The following LRP12 variants were observed in gnomAD, a reference collection of about 807,000 sequenced individuals.
The protein encoded by LRP12 is low-density lipoprotein receptor-related protein 12.
In LRP12, 14 loss-of-function variants were observed where a neutral mutation model predicts 66.0. The ratio of observed to expected loss-of-function variants is 0.21; its 90% confidence interval spans 0.14 to 0.33. The LOEUF (loss-of-function observed/expected upper bound fraction) is 0.33. LRP12 is among the 10% of genes least tolerant of loss of function. The pLI, the probability that LRP12 is intolerant of heterozygous loss-of-function variation, is 1.00. For synonymous variants in LRP12, 357 were observed against 359.1 expected, an observed-to-expected ratio of 0.99 and a Z score of 0.07; for missense variants, 889 against 1,053.4, an observed-to-expected ratio of 0.84 and a Z score of 2.16.
intron 1 of LRP12, among the ~76,000 whole-genome samples, chr8:104,588,280 C>G (rs1180855938): frequency 1.3e-5 from 2 of 151,878 alleles, no homozygotes; most frequent in Non-Finnish European, 2.9e-5. Context: ...TTCGGCAGAG[C>G]CCTTGCCCCC....
At chr8:104,574,420 C>T (rs1588510153) in intron 1 of LRP12, among the ~76,000 whole-genome samples, 1 of 152,110 alleles carries the variant, frequency 6.6e-6, no homozygotes, top group African/African-American at 2.4e-5. Context: ...GCTAATATAC[C>T]ATAATTTATT....
chr8:104,524,154 A>G (rs1422864347), intron 2 of LRP12, among the ~76,000 whole-genome samples: 1 of 149,586 alleles, frequency 6.7e-6, no homozygotes, highest in African/African-American at 2.5e-5. Flanking sequence ...AGGTGGGAGC[A>G]TGGCTTGAGC....
intron 1 of LRP12, among the ~76,000 whole-genome samples, chr8:104,548,858 C>T (rs914369916): frequency 3.3e-4 from 50 of 151,562 alleles, no homozygotes; most frequent in African/African-American, 1.1e-3. Flanking sequence ...GCAAGAGAAT[C>T]GCTTGAATTC....
intron 1 of LRP12, among the ~76,000 whole-genome samples, chr8:104,574,931 AG>A (rs1812139389): frequency 6.6e-6 from 1 of 152,196 alleles, no homozygotes; most frequent in South Asian, 2.1e-4. Flanking sequence ...TTGAGGAACC[AG>A]GAAGACTCCC....
At chr8:104,523,525 C>T (rs1300486963) in intron 2 of LRP12, among the ~76,000 whole-genome samples, 1 of 152,172 alleles carries the variant, frequency 6.6e-6, no homozygotes, top group Admixed American at 6.5e-5. Context: ...GCTCAATTTG[C>T]AAGTATCTGC....
chr8:104,584,202 A>G (rs899098579), intron 1 of LRP12, among the ~76,000 whole-genome samples: 3 of 152,020 alleles, frequency 2.0e-5, no homozygotes, highest in Non-Finnish European at 4.4e-5. Flanking sequence ...GAGATCATCA[A>G]CTTCCAATTC....
chr8:104,560,930 C>T (rs1215655321), intron 1 of LRP12, among the ~76,000 whole-genome samples: 1 of 152,032 alleles, frequency 6.6e-6, no homozygotes, highest in African/African-American at 2.4e-5. Flanking sequence ...CGTAGAAGGC[C>T]CATATTTTGT....
intron 1 of LRP12, among the ~76,000 whole-genome samples, chr8:104,545,392 T>A (rs1811539823): frequency 6.6e-6 from 1 of 152,208 alleles, no homozygotes; most frequent in African/African-American, 2.4e-5. Flanking sequence ...GACTGACCCC[T>A]ATTTTGAAAG....
At chr8:104,577,672 G>T (rs1434672103) in intron 1 of LRP12, among the ~76,000 whole-genome samples, 2 of 151,920 alleles carry the variant, frequency 1.3e-5, no homozygotes, top group East Asian at 1.9e-4. Context: ...TTAGCTGGGC[G>T]TGGTGGTGGG....
intron 1 of LRP12, among the ~76,000 whole-genome samples, chr8:104,554,655 C>T (rs4338071): frequency 0.19 from 28,428 of 151,834 alleles, 3,334 homozygotes; most frequent in African/African-American, 0.34. Context: ...TAAGGATAAT[C>T]GGTGTTCCTG....
At chr8:104,522,310 C>T (rs1811164183) in intron 2 of LRP12, among the ~76,000 whole-genome samples, 2 of 152,022 alleles carry the variant, frequency 1.3e-5, no homozygotes, top group Admixed American at 1.3e-4. Context: ...GCTAGGCCTT[C>T]GAATATTAGA....
intron 2 of LRP12, among the ~76,000 whole-genome samples, chr8:104,516,797 A>G (rs970638390): frequency 6.6e-6 from 1 of 152,104 alleles, no homozygotes; most frequent in Non-Finnish European, 1.5e-5. Context: ...CTGTCTTACA[A>G]TTTGAGATTT....
At chr8:104,555,009 T>G (rs997005811) in intron 1 of LRP12, among the ~76,000 whole-genome samples, 1 of 152,216 alleles carries the variant, frequency 6.6e-6, no homozygotes, top group Admixed American at 6.5e-5. Context: ...CCAAGAATTC[T>G]GTATCCAGCA....
chr8:104,537,529 T>C (rs1811407804), intron 1 of LRP12, among the ~76,000 whole-genome samples: 1 of 152,052 alleles, frequency 6.6e-6, no homozygotes, highest in African/African-American at 2.4e-5. Context: ...GATAAACACA[T>C]GGGTATTACC....
At chr8:104,492,908 GCTC>G (rs1344636923) in intron 6 of LRP12, among the ~76,000 whole-genome samples, 2 of 151,938 alleles carry the variant, frequency 1.3e-5, no homozygotes, top group East Asian at 1.9e-4. Flanking sequence ...CCACAGATCT[GCTC>G]CTCAACAGTG....
At position 104,508,811 on chromosome 8, in the gene LRP12, A is replaced by G. The variant is rs941075639; in HGVS notation, c.272+128T>C. On this transcript the variant is annotated intron_variant, in intron 3 of 6. Transcript: ENST00000276654. ...ACTCTTAAGATGACACCAATAGCTA[A>G]TAGCTGTTCTTTATTACATCTCCTG... 3 of 768,556 alleles carry G rather than the reference A, an allele frequency of 3.9e-6. No homozygotes were observed. The African/African-American group carries it at 5.3e-5, about 13-fold the overall frequency. The allele number at this position is 768,556 out of a possible 1,614,324, so 47.6% of individuals were successfully genotyped here.
At position 104,490,750 on chromosome 8, in the gene LRP12, C is replaced by T. The variant is rs1010338777; in HGVS notation, c.2503G>A (p.Ala835Thr). 2 of 1,613,970 alleles carry T rather than the reference C, an allele frequency of 1.2e-6. No homozygotes were observed. Among genetic ancestry groups the T allele is most frequent in the African/African-American group, 2.7e-5 (2 of 74,900 alleles). ...PCERCGIVHTAQIPDTCLEVT... is the reference protein window; with the variant it reads ...PCERCGIVHTTQIPDTCLEVT... The stretch of plus-strand genomic sequence containing the variant: ...TCTAAGCAAGTGTCTGGTATCTGGG[C>T]AGTGTGGACAATACCACAGCGCTCA... Residue 835 changes from alanine (A) to threonine (T), a missense_variant, in exon 7 of 7, where the codon GCC becomes ACC. Ala to Thr is a moderately conservative substitution (Grantham distance 58). Around this residue, in one of 3 missense-constraint regions of LRP12, gnomAD observed 800 missense variants for 964.5 expected, o/e 0.83. Transcript: ENST00000276654.
chr8:104,545,058 G>A (rs557045931), intron 1 of LRP12, among the ~76,000 whole-genome samples: 26 of 152,222 alleles, frequency 1.7e-4, no homozygotes, highest in Admixed American at 1.6e-3. Flanking sequence ...AACCTAACAG[G>A]AGCTTGGATG....
intron 2 of LRP12, among the ~76,000 whole-genome samples, chr8:104,513,756 AGTC>A (rs1172823405): frequency 1.3e-5 from 2 of 152,202 alleles, no homozygotes; most frequent in Non-Finnish European, 2.9e-5. Context: ...CCAGCCAGCC[AGTC>A]CTTGATACTG....
Sources: allele counts gnomAD v4.1 joint callset (sites outside exome capture counted in the v4.1 genomes callset), GRCh38; gene constraint gnomAD v4.1.1; regional missense constraint gnomAD v4.1.1; transcripts MANE v1.5; gene names NCBI Gene and HGNC (gene_info 2026-07-23, HGNC 2026-07-21).